Variants in NCOA2 observed in about 807,000 individuals in gnomAD.
NCOA2 encodes the protein class E basic helix-loop-helix protein 75.
In NCOA2, 21 loss-of-function variants were observed where a neutral mutation model predicts 145.1. The observed-to-expected ratio is 0.14, with a 90% CI of 0.10 to 0.21. The LOEUF (loss-of-function observed/expected upper bound fraction) is 0.21, where lower values mean the gene tolerates loss of function less well. Ranked by LOEUF, NCOA2 falls within the 10% of genes least tolerant of loss-of-function variation. NCOA2 has a pLI of 1.00. For synonymous variants in NCOA2, 619 were observed against 637.5 expected (o/e 0.97, Z 0.44); for missense variants, 1,472 against 1,837.6 (o/e 0.80, Z 3.64).
chr8:70,297,798 A>C (rs1827198856), intron 1 of NCOA2, among the ~76,000 whole-genome samples: 1 of 152,258 alleles, frequency 6.6e-6, no homozygotes, highest in East Asian at 1.9e-4. Context: ...GCTTCGCTGT[A>C]AATGAGCCTG....
At chr8:70,306,742 G>A (rs1490927250) in intron 1 of NCOA2, among the ~76,000 whole-genome samples, 6 of 152,100 alleles carry the variant, frequency 3.9e-5, no homozygotes, top group Non-Finnish European at 8.8e-5. Context: ...AGCCAGGTGT[G>A]GTGGCGCGTG....
chr8:70,159,230 ATATATATATATATT>A (rs1812632611), intron 10 of NCOA2, among the ~76,000 whole-genome samples: 1 of 73,182 alleles, frequency 1.4e-5, no homozygotes, highest in South Asian at 3.3e-4. Context: ...CATTATATAT[ATATATATATATATT>A]TTTTTTTTTT....
intron 1 of NCOA2, among the ~76,000 whole-genome samples, chr8:70,395,799 T>C (rs967400498): frequency 3.3e-5 from 5 of 152,210 alleles, no homozygotes; most frequent in Admixed American, 2.6e-4. Flanking sequence ...CTACCAGAAC[T>C]AACACTCTCC....
chr8:70,339,123 T>C (rs1408508234), intron 1 of NCOA2, among the ~76,000 whole-genome samples: 1 of 152,060 alleles, frequency 6.6e-6, no homozygotes, highest in Admixed American at 6.6e-5. Context: ...GGTATTCAAA[T>C]AGGAAGAAAG....
intron 1 of NCOA2, among the ~76,000 whole-genome samples, chr8:70,331,878 C>T (rs1807139618): frequency 6.6e-6 from 1 of 152,124 alleles, no homozygotes; most frequent in South Asian, 2.1e-4. Context: ...AGACAAACTA[C>T]ACTTTTAAAC....
At chr8:70,321,769 G>C (rs1405075931) in intron 1 of NCOA2, among the ~76,000 whole-genome samples, 1 of 118,266 alleles carries the variant, frequency 8.5e-6, no homozygotes, top group African/African-American at 3.3e-5. Context: ...CTTAGGTAAT[G>C]CTTTCCTAAG....
At chr8:70,430,542 G>T in the NCOA2 span, among the ~76,000 whole-genome samples, 44,457 of 152,044 alleles carry the variant, frequency 0.29, 6,743 homozygotes, top group East Asian at 0.51. Context: ...CTTCTGCCTT[G>T]TGGCAGTTCC....
rs745330846 is a variant in NCOA2, at chr8:70,118,688, AT to A, written c.4383+2613del. 1.0e-2 allele frequency among the ~76,000 whole-genome samples: 1,352 copies of A among 135,658 alleles called. 4 individuals are homozygous for A. Among genetic ancestry groups the A allele is most frequent in the African/African-American group, 0.02 (723 of 37,062 alleles). 89.0% of individuals were successfully genotyped at this position (135,658 alleles called of 152,430 possible). On this transcript the variant is annotated intron_variant, in intron 22 of 22. Transcript: ENST00000452400. ...CTTGTACTGTCTCTACTGGGGGAGG[AT>A]TTTTTTTTTTTTTTTTGAGACAGAG...
intron 5 of NCOA2, among the ~76,000 whole-genome samples, chr8:70,171,003 GGGA>G (rs1415425600): frequency 6.6e-6 from 1 of 152,110 alleles, no homozygotes; most frequent in East Asian, 1.9e-4. Flanking sequence ...CACCTTCATG[GGGA>G]CCTCAGCATT....
chr8:70,177,280 A>T (rs1321420330), intron 4 of NCOA2, among the ~76,000 whole-genome samples: 1 of 152,140 alleles, frequency 6.6e-6, no homozygotes. Context: ...ACATCTTCCT[A>T]GGAGGATATC....
intron 21 of NCOA2, among the ~76,000 whole-genome samples, chr8:70,121,916 T>A (rs993568391): frequency 3.3e-5 from 5 of 152,256 alleles, no homozygotes; most frequent in African/African-American, 1.2e-4. Flanking sequence ...AATTTGCAAA[T>A]GCTAATAGAA....
intron 11 of NCOA2, among the ~76,000 whole-genome samples, chr8:70,150,041 T>C (rs1811568915): frequency 6.6e-6 from 1 of 152,246 alleles, no homozygotes; most frequent in Non-Finnish European, 1.5e-5. Flanking sequence ...GAGATGTTTT[T>C]TGATTGGAAA....
intron 1 of NCOA2, among the ~76,000 whole-genome samples, chr8:70,341,692 A>G (rs1586546743): frequency 6.6e-6 from 1 of 152,336 alleles, no homozygotes; most frequent in Non-Finnish European, 1.5e-5. Flanking sequence ...TTAAAATATT[A>G]CTGTCTTGTT....
chr8:70,295,511 T>C (rs910799781), intron 2 of NCOA2, among the ~76,000 whole-genome samples: 2 of 152,198 alleles, frequency 1.3e-5, no homozygotes, highest in African/African-American at 2.4e-5. Flanking sequence ...AAATGTGGAA[T>C]TGGAAGAGTT....
chr8:70,376,222 C>T (rs1244167067), intron 1 of NCOA2, among the ~76,000 whole-genome samples: 1 of 152,154 alleles, frequency 6.6e-6, no homozygotes, highest in Admixed American at 6.5e-5. Flanking sequence ...TTATCACTTC[C>T]TATTTTAGGA....
chr8:70,402,504 C>G (rs914603679), intron 1 of NCOA2: 12 of 152,212 alleles, frequency 7.9e-5, no homozygotes, highest in Non-Finnish European at 1.5e-4. Flanking sequence ...GACCCACCCC[C>G]GGTCTCGGAA....
chr8:70,134,981 C>A (rs1809565448), intron 15 of NCOA2, among the ~76,000 whole-genome samples: 1 of 152,008 alleles, frequency 6.6e-6, no homozygotes, highest in Non-Finnish European at 1.5e-5. Context: ...AGCAAACAGG[C>A]CCTACTCAGA....
At chr8:70,365,500 T>C (rs1438564424) in intron 1 of NCOA2, among the ~76,000 whole-genome samples, 2 of 152,214 alleles carry the variant, frequency 1.3e-5, no homozygotes, top group Non-Finnish European at 2.9e-5. Flanking sequence ...CTCTAAATCA[T>C]CTAATTCTGA....
chr8:70,230,115 G>C, intron 2 of NCOA2, among the ~76,000 whole-genome samples: 1 of 152,196 alleles, frequency 6.6e-6, no homozygotes, highest in Non-Finnish European at 1.5e-5. Context: ...TTGAGCTGAA[G>C]ATGGTAAAGT....
Sources: gnomAD v4.1 joint callset for allele counts (sites outside exome capture counted in the v4.1 genomes callset) on GRCh38, gnomAD v4.1.1 for gene constraint, MANE v1.5 for transcripts, NCBI Gene and HGNC (gene_info 2026-07-23, HGNC 2026-07-21) for gene names.